Variants in SEM1 observed in about 807,000 individuals in gnomAD.
The protein encoded by SEM1 is SEM1 26S proteasome subunit.
In SEM1, 3 loss-of-function variants were observed where a neutral mutation model predicts 12.7. The observed-to-expected ratio is 0.24, with a 90% CI of 0.11 to 0.61. The LOEUF (loss-of-function observed/expected upper bound fraction) is 0.61, where lower values mean the gene tolerates loss of function less well. Ranked by LOEUF, SEM1 falls within the 20% of genes least tolerant of loss-of-function variation. The pLI is 0.88. For missense variants in SEM1, 59 were observed against 81.3 expected, an observed-to-expected ratio of 0.73 and a Z score of 1.06; for synonymous variants, 30 against 27.8, an observed-to-expected ratio of 1.08 and a Z score of -0.25.
At chr7:96,642,938 T>C (rs1484549108) in intron 2 of SEM1, among the ~76,000 whole-genome samples, 1 of 152,122 alleles carries the variant, frequency 6.6e-6, no homozygotes, top group African/African-American at 2.4e-5. Flanking sequence ...TTATCTTTTT[T>C]TCATTTTTTA....
chr7:96,655,505 T>C (rs1809150607), intron 2 of SEM1, among the ~76,000 whole-genome samples: 1 of 151,188 alleles, frequency 6.6e-6, no homozygotes, highest in African/African-American at 2.4e-5. Flanking sequence ...CAGGTCTCAA[T>C]CTCTTGACCT....
rs985586850 is a variant in SEM1, at chr7:96,574,190, G to C, written c.171-67492C>G. ...TATGAGTGAGAACATGTGGTGTTTG[G>C]TTTTTTGTCCTTGTGATAGTTTGCT... On this transcript the variant is annotated intron_variant and NMD_transcript_variant, in intron 2 of 3. Coordinates refer to the SEM1 transcript ENST00000466986. Among the ~76,000 whole-genome samples, 34 of 152,100 alleles carry C rather than the reference G, an allele frequency of 2.2e-4. 1 individual carries two copies. Among genetic ancestry groups the C allele is most frequent in the African/African-American group, 8.2e-4 (34 of 41,486 alleles).
At chr7:96,602,561 T>G (rs1295868872) in intron 2 of SEM1, among the ~76,000 whole-genome samples, 1 of 152,178 alleles carries the variant, frequency 6.6e-6, no homozygotes, top group African/African-American at 2.4e-5. Context: ...TATATGCCCA[T>G]GCATATAGAT....
intron 2 of SEM1, among the ~76,000 whole-genome samples, chr7:96,602,679 T>C (rs1807230343): frequency 6.6e-6 from 1 of 152,222 alleles, no homozygotes. Context: ...TTTCATGAGA[T>C]GATATTGGGT....
At chr7:96,521,608 A>G (rs1804272639) in intron 2 of SEM1, among the ~76,000 whole-genome samples, 1 of 152,158 alleles carries the variant, frequency 6.6e-6, no homozygotes, top group East Asian at 1.9e-4. Flanking sequence ...ATTTTCGGTC[A>G]GGTCACAACT....
At chr7:96,545,598 A>G (rs1805081301) in intron 2 of SEM1, among the ~76,000 whole-genome samples, 1 of 152,114 alleles carries the variant, frequency 6.6e-6, no homozygotes. Context: ...ATGCTTGGCA[A>G]ATACGTTTAT....
At chr7:96,670,627 C>T (rs1463068252), downstream of SEM1, among the ~76,000 whole-genome samples, 6 of 152,184 alleles carry the variant, frequency 3.9e-5, no homozygotes, top group Admixed American at 3.9e-4. Flanking sequence ...TCTGACAGAT[C>T]ACAGACCAAA....
intron 1 of SEM1, among the ~76,000 whole-genome samples, chr7:96,706,559 T>C: frequency 1.2e-5 from 1 of 83,190 alleles, no homozygotes; most frequent in Non-Finnish European, 2.1e-5. Flanking sequence ...TGAAACTCCA[T>C]CTCAAACAAA....
intron 2 of SEM1, among the ~76,000 whole-genome samples, chr7:96,557,506 G>A (rs1172082635): frequency 1.1e-5 from 1 of 92,146 alleles, no homozygotes; most frequent in Non-Finnish European, 2.9e-5. Flanking sequence ...GCTGCTCGGG[G>A]GTCAGGGGTC....
At position 96,484,831 on chromosome 7, in the gene SEM1, C is replaced by T; in HGVS notation, c.251G>A (p.Trp84Ter). ...TATATCTTTGTTCCATTACCTTGCCCACTTCTTTTTTCTTGAGGTGGAGCT... is the reference window on the plus strand; with the variant it reads ...TATATCTTTGTTCCATTACCTTGCCTACTTCTTTTTTCTTGAGGTGGAGCT... The change falls in exon 3 of 4, where the codon TGG becomes TAG. Residue 84 changes from tryptophan (W) to a stop codon, truncating the protein, a stop_gained. Transcript: ENST00000356686. LOFTEE classifies it low-confidence loss of function (END_TRUNC). 2 of 1,287,698 alleles carry T rather than the reference C, an allele frequency of 1.6e-6. No individual in the cohort carries two copies. Among genetic ancestry groups the T allele is most frequent in the Non-Finnish European group, 2.0e-6 (2 of 986,846 alleles). 79.8% of individuals were successfully genotyped at this position (1,287,698 alleles called of 1,614,324 possible). A position where few individuals can be genotyped will look rare whatever the true frequency, so the allele number is the denominator to read the frequency against.
chr7:96,676,636 G>A (rs758072992), intron 2 of SEM1, among the ~76,000 whole-genome samples: 23 of 152,082 alleles, frequency 1.5e-4, no homozygotes, highest in Non-Finnish European at 7.4e-5. Flanking sequence ...GAGATATCAC[G>A]GAACGGTAAA....
At chr7:96,540,923 T>A (rs1298983497) in intron 2 of SEM1, among the ~76,000 whole-genome samples, 1 of 151,964 alleles carries the variant, frequency 6.6e-6, no homozygotes, top group African/African-American at 2.4e-5. Context: ...ATTTCATTCT[T>A]TCTTATAGCT....
At chr7:96,486,263 T>C in exon 2 of SEM1, 1 of 1,537,162 alleles carries the variant, frequency 6.5e-7, no homozygotes, top group Non-Finnish European at 8.7e-7. Context: ...GTTTATCTGT[T>C]GCTTTGCAAA....
intron 2 of SEM1, among the ~76,000 whole-genome samples, chr7:96,628,159 A>G (rs558951002): frequency 2.4e-4 from 36 of 151,614 alleles, no homozygotes; most frequent in Non-Finnish European, 3.5e-4. Context: ...GTGTCTTTAT[A>G]GTTATCTTTA....
At chr7:96,662,325 T>C (rs886747421) in intron 2 of SEM1, among the ~76,000 whole-genome samples, 2 of 152,190 alleles carry the variant, frequency 1.3e-5, no homozygotes, top group Non-Finnish European at 1.5e-5. Context: ...ATATATACCA[T>C]GGAATACTAT....
chr7:96,632,016 G>A (rs1210145326), intron 2 of SEM1, among the ~76,000 whole-genome samples: 1 of 152,146 alleles, frequency 6.6e-6, no homozygotes, highest in Non-Finnish European at 1.5e-5. Context: ...ACCATCTCAT[G>A]CCAGTTAGAA....
At chr7:96,670,826 A>C (rs1033925309), downstream of SEM1, among the ~76,000 whole-genome samples, 4 of 152,228 alleles carry the variant, frequency 2.6e-5, no homozygotes, top group Admixed American at 1.3e-4. Context: ...GCCTGATATA[A>C]AAATGTCTGT....
At chr7:96,663,055 G>GTT (rs140550683) in intron 2 of SEM1, among the ~76,000 whole-genome samples, 49 of 149,334 alleles carry the variant, frequency 3.3e-4, no homozygotes, top group South Asian at 1.3e-3. Flanking sequence ...ATGTGATTTT[G>GTT]TTTTTTTTTA....
intron 1 of SEM1, among the ~76,000 whole-genome samples, chr7:96,486,937 C>T (rs1802794647): frequency 6.6e-6 from 1 of 152,182 alleles, no homozygotes; most frequent in Non-Finnish European, 1.5e-5. Flanking sequence ...GTGCGCATGC[C>T]TGTGCCTGCC....
Sources: allele counts gnomAD v4.1 joint callset (sites outside exome capture counted in the v4.1 genomes callset), GRCh38; gene constraint gnomAD v4.1.1; transcripts MANE v1.5; gene names NCBI Gene and HGNC (gene_info 2026-07-23, HGNC 2026-07-21).